ADGB: variants seen among roughly 807,000 people sequenced by gnomAD.
The protein encoded by ADGB is androglobin.
In ADGB, 172 loss-of-function variants were observed where a neutral mutation model predicts 210.5. The ratio of observed to expected loss-of-function variants is 0.82; its 90% confidence interval spans 0.72 to 0.93. The LOEUF is 0.93. ADGB is among the 40% of genes least tolerant of loss of function. ADGB has a pLI of 0.00. For synonymous variants in ADGB, 658 were observed against 662.7 expected (o/e 0.99, Z 0.11); for missense variants, 2,025 against 1,964.8 (o/e 1.03, Z -0.58).
intron 28 of ADGB, among the ~76,000 whole-genome samples, chr6:146,764,860 C>T (rs945251130): frequency 3.9e-5 from 6 of 152,062 alleles, no homozygotes; most frequent in Admixed American, 6.6e-5. Context: ...AGTGCAATGG[C>T]GTGATCTCGG....
chr6:146,623,920 C>G (rs185895107), intron 1 of ADGB, among the ~76,000 whole-genome samples: 1 of 151,846 alleles, frequency 6.6e-6, no homozygotes, highest in South Asian at 2.1e-4. Context: ...GGGATAAACT[C>G]TAATTGATCA....
chr6:146,609,385 A>G (rs1369279129), intron 1 of ADGB, among the ~76,000 whole-genome samples: 1 of 152,142 alleles, frequency 6.6e-6, no homozygotes, highest in African/African-American at 2.4e-5. Context: ...CAGGGTTAAC[A>G]ATGTGTGGAT....
chr6:146,692,878 A>G lies in ADGB; in HGVS notation c.1540A>G (p.Asn514Asp). ...CCTTGAGATTTCAAGTCCATTTTTG[A>G]ATTATAGAATGACTCCATTTACAAT... The part of the protein sequence containing the change: ...RFLEISSPFL[N>D]YRMTPFTIPT... Residue 514 changes from asparagine (N) to aspartate (D), a missense_variant, in exon 12 of 36, where the codon AAT becomes GAT. By Grantham distance (23) the Asn-to-Asp change is conservative. Coordinates refer to ENST00000397944, the MANE Select transcript of ADGB (RefSeq NM_024694.4). 2 of 1,539,336 alleles carry G rather than the reference A, an allele frequency of 1.3e-6. No homozygotes were observed. Among genetic ancestry groups the G allele is most frequent in the Middle Eastern group, 3.4e-4 (2 of 5,920 alleles).
At chr6:146,615,321 T>C (rs1780782121) in intron 1 of ADGB, among the ~76,000 whole-genome samples, 1 of 151,754 alleles carries the variant, frequency 6.6e-6, no homozygotes, top group South Asian at 2.1e-4. Context: ...TCAAATCACT[T>C]CCCACCAGGC....
At chr6:146,745,899 T>C in intron 25 of ADGB, 23 bp from the exon 26 acceptor site, 1 of 1,512,122 alleles carries the variant, frequency 6.6e-7, no homozygotes, top group Non-Finnish European at 8.9e-7. Context: ...AATTCATTTC[T>C]GTGTAATTTG....
intron 18 of ADGB, chr6:146,724,692 T>C (rs1776868797): frequency 6.5e-6 from 1 of 153,186 alleles, no homozygotes. Flanking sequence ...TTATAAGTTT[T>C]CTCACCAATA....
intron 13 of ADGB, among the ~76,000 whole-genome samples, chr6:146,714,172 A>C (rs1281222645): frequency 3.3e-5 from 5 of 152,212 alleles, no homozygotes; most frequent in Non-Finnish European, 4.4e-5. Context: ...TATATATTTA[A>C]GAAATTTAAG....
intron 25 of ADGB, among the ~76,000 whole-genome samples, chr6:146,743,711 C>T (rs1777189762): frequency 6.6e-6 from 1 of 152,128 alleles, no homozygotes; most frequent in Non-Finnish European, 1.5e-5. Flanking sequence ...GTCAGGAGAT[C>T]GAGACCAGCC....
At chr6:146,808,831 C>G (rs565597041) in intron 35 of ADGB, among the ~76,000 whole-genome samples, 1 of 149,940 alleles carries the variant, frequency 6.7e-6, no homozygotes, top group East Asian at 2.0e-4. Context: ...TGGAGTTTCA[C>G]TCTTGTTGGG....
At chr6:146,801,627 GT>G (rs780952988) in intron 34 of ADGB, among the ~76,000 whole-genome samples, 200 bp from the exon 35 acceptor site, 61 of 152,156 alleles carry the variant, frequency 4.0e-4, no homozygotes, top group Non-Finnish European at 7.6e-4. Context: ...TCTCCAAAAT[GT>G]TTTCCTAAAA....
At chr6:146,677,888 C>T (rs547480182) in intron 9 of ADGB, among the ~76,000 whole-genome samples, 134 of 152,250 alleles carry the variant, frequency 8.8e-4, no homozygotes, top group African/African-American at 3.0e-3. Context: ...AGTGTTGAAT[C>T]CAGGTAAAGT....
chr6:146,799,465 C>T (rs1283089843), intron 33 of ADGB, among the ~76,000 whole-genome samples: 6 of 143,978 alleles, frequency 4.2e-5, no homozygotes, highest in Non-Finnish European at 9.0e-5. Flanking sequence ...ACCAGGGAGG[C>T]GGAAGTTGCA....
chr6:146,760,441 TTCTA>T (rs71552957), intron 27 of ADGB, among the ~76,000 whole-genome samples: 35,694 of 151,616 alleles, frequency 0.24, 4,338 homozygotes, highest in East Asian at 0.39. Context: ...ACTATTCTAT[TTCTA>T]TCTATGTTTC....
At chr6:146,725,335 G>T (rs955877303) in intron 18 of ADGB, 1 of 152,262 alleles carries the variant, frequency 6.6e-6, no homozygotes, top group Admixed American at 6.5e-5. Flanking sequence ...CTGGTCCGAG[G>T]CCTGTTAGGA....
chr6:146,790,563 A>G (rs1016865063), intron 33 of ADGB, among the ~76,000 whole-genome samples: 1 of 152,212 alleles, frequency 6.6e-6, no homozygotes, highest in Admixed American at 6.5e-5. Context: ...TTGTGTCTAC[A>G]TACCACATTT....
At chr6:146,783,314 G>A (rs1777827770) in intron 30 of ADGB, among the ~76,000 whole-genome samples, 1 of 152,054 alleles carries the variant, frequency 6.6e-6, no homozygotes, top group African/African-American at 2.4e-5. Flanking sequence ...AAGAAGAGAT[G>A]ATGACTTGTT....
rs1296344358 is a variant in ADGB, at chr6:146,801,880, G to C, written c.4687G>C (p.Ala1563Pro). The stretch of plus-strand genomic sequence containing the variant: ...AACAGATGAATTGAATCAGCAGCAG[G>C]CAATGCAAAAGGCGGAAGAAATTCA... ...LQTDELNQQQ[A>P]MQKAEEIHQF... Residue 1563 changes from alanine (A) to proline (P), a missense_variant, in exon 35 of 36, where the codon GCA (alanine) becomes CCA (proline). Coordinates refer to ENST00000397944, the MANE Select transcript of ADGB (RefSeq NM_024694.4). 5 of 1,550,708 alleles carry C rather than the reference G, an allele frequency of 3.2e-6. No individual in the cohort carries two copies. Among genetic ancestry groups the C allele is most frequent in the African/African-American group, 2.7e-5 (2 of 73,054 alleles).
At chr6:146,644,737 G>A (rs1050538606) in intron 2 of ADGB, 36 bp from the exon 3 acceptor site, 2 of 1,182,720 alleles carry the variant, frequency 1.7e-6, no homozygotes, top group Non-Finnish European at 2.3e-6. Flanking sequence ...TTTAATAAAA[G>A]AATATGCAGA....
At chr6:146,613,086 A>G (rs1237835954) in intron 1 of ADGB, among the ~76,000 whole-genome samples, 3 of 152,118 alleles carry the variant, frequency 2.0e-5, no homozygotes, top group Admixed American at 2.0e-4. Context: ...GTGCCTTTGC[A>G]TTTTAGTTAT....
Sources: allele counts gnomAD v4.1 joint callset (sites outside exome capture counted in the v4.1 genomes callset), GRCh38; gene constraint gnomAD v4.1.1; transcripts MANE v1.5; gene names NCBI Gene and HGNC (gene_info 2026-07-23, HGNC 2026-07-21).